EBF2: variants seen among roughly 807,000 people sequenced by gnomAD.
EBF2 encodes the protein EBF transcription factor 2, also known as transcription factor COE2.
In EBF2, 21 loss-of-function variants were observed where a neutral mutation model predicts 72.8. The ratio of observed to expected loss-of-function variants is 0.29; its 90% CI spans 0.20 to 0.42. The LOEUF (loss-of-function observed/expected upper bound fraction) is 0.42. Ranked by LOEUF, EBF2 falls within the 10% of genes least tolerant of loss-of-function variation. The probability of loss-of-function intolerance (pLI) is 1.00; values close to 1 mark genes in which losing one functional copy is unlikely to be tolerated. For missense variants in EBF2, 637 were observed against 731.2 expected (o/e 0.87, Z 1.49); for synonymous variants, 299 against 274.2 (o/e 1.09, Z -0.89).
chr8:25,948,770 C>T (rs990177945), intron 6 of EBF2, among the ~76,000 whole-genome samples: 8 of 152,134 alleles, frequency 5.3e-5, no homozygotes, highest in African/African-American at 1.2e-4. Flanking sequence ...ACAGAACTCC[C>T]GGGTTTGGGA....
chr8:25,921,317 CT>C (rs1179872658), intron 6 of EBF2, among the ~76,000 whole-genome samples: 1 of 151,908 alleles, frequency 6.6e-6, no homozygotes. Context: ...TTTTAACTTT[CT>C]TTTTTTTTCC....
intron 6 of EBF2, among the ~76,000 whole-genome samples, chr8:25,939,122 A>G (rs779777546): frequency 1.3e-5 from 2 of 152,186 alleles, no homozygotes; most frequent in Non-Finnish European, 2.9e-5. Flanking sequence ...TCAGCAACCA[A>G]GGATGATATT....
At chr8:25,883,681 G>C (rs1041956693) in intron 10 of EBF2, among the ~76,000 whole-genome samples, 1 of 152,010 alleles carries the variant, frequency 6.6e-6, no homozygotes, top group Non-Finnish European at 1.5e-5. Flanking sequence ...TACATCAATT[G>C]CGCTACTGAT....
chr8:25,908,678 C>T, intron 6 of EBF2, 123 bp from the exon 7 acceptor site: 1 of 708,164 alleles, frequency 1.4e-6, no homozygotes, highest in Non-Finnish European at 2.4e-6. Context: ...TTTCAACCTG[C>T]CCTGCCTGTG....
chr8:25,989,232 G>A (rs1392846006), intron 6 of EBF2, among the ~76,000 whole-genome samples: 1 of 152,198 alleles, frequency 6.6e-6, no homozygotes, highest in Admixed American at 6.5e-5. Flanking sequence ...CTTCAGGAAT[G>A]AGTGGTGAAA....
At chr8:25,980,787 C>CAAAAAAAAA (rs34271943) in intron 6 of EBF2, among the ~76,000 whole-genome samples, 5 of 67,136 alleles carry the variant, frequency 7.4e-5, no homozygotes. Flanking sequence ...GAGGCCACCA[C>CAAAAAAAAA]AAAAAAAAAA....
intron 10 of EBF2, among the ~76,000 whole-genome samples, chr8:25,874,561 A>C (rs933097987): frequency 1.3e-5 from 2 of 152,132 alleles, no homozygotes; most frequent in African/African-American, 2.4e-5. Flanking sequence ...CTTGTCAAGC[A>C]CCTACTCTGC....
chr8:26,043,293 C>T (rs907116074), intron 1 of EBF2, among the ~76,000 whole-genome samples: 26 of 152,384 alleles, frequency 1.7e-4, no homozygotes, highest in African/African-American at 6.3e-4. Flanking sequence ...GGTTGAACCC[C>T]GGTGCGCAAG....
chr8:25,860,759 T>C (rs1456411394), intron 13 of EBF2, among the ~76,000 whole-genome samples: 1 of 152,074 alleles, frequency 6.6e-6, no homozygotes, highest in East Asian at 1.9e-4. Context: ...TCAAGCAATC[T>C]ACCTGCCTCA....
intron 7 of EBF2, among the ~76,000 whole-genome samples, chr8:25,901,083 T>C (rs1802943999): frequency 6.6e-6 from 1 of 152,086 alleles, no homozygotes; most frequent in South Asian, 2.1e-4. Flanking sequence ...CAACAAAATA[T>C]TGCATGTACC....
At chr8:25,912,442 AC>A (rs1337346228) in intron 6 of EBF2, among the ~76,000 whole-genome samples, 1 of 149,992 alleles carries the variant, frequency 6.7e-6, no homozygotes, top group African/African-American at 2.4e-5. Flanking sequence ...TATTAAAAAA[AC>A]ACTTCAAAAT....
At chr8:25,860,811 C>T (rs1263924490) in intron 13 of EBF2, among the ~76,000 whole-genome samples, 6 of 152,178 alleles carry the variant, frequency 3.9e-5, no homozygotes, top group Non-Finnish European at 8.8e-5. Context: ...GCCACCAAAC[C>T]TGGTAGTAAT....
Position 26,045,385 on chromosome 8 carries a change from G to C in EBF2, c.-526C>G, listed in dbSNP as rs984364323. ...ACGGAGCCCGGCTGCAGCCGCGCGC[G>C]GGCCCCATGAATGGGTTACTACGGC... On this transcript the variant is annotated 5_prime_UTR_variant, in exon 1 of 16. Coordinates refer to ENST00000520164, the MANE Select transcript of EBF2 (RefSeq NM_022659.4). 6.6e-6 allele frequency: 1 copy of C among 152,370 alleles called. No individual in the cohort carries two copies. The highest frequency in any genetic ancestry group is 2.4e-5 in the African/African-American group (1 of 41,446). The allele number at this position is 152,370 out of a possible 1,614,324, so 9.4% of individuals were successfully genotyped here.
At chr8:25,868,114 G>A (rs1186111685) in intron 10 of EBF2, among the ~76,000 whole-genome samples, 2 of 151,988 alleles carry the variant, frequency 1.3e-5, no homozygotes, top group African/African-American at 4.8e-5. Context: ...TCACAATTTT[G>A]TTGTAATTTT....
chr8:25,981,537 G>T (rs1481991855), intron 6 of EBF2, among the ~76,000 whole-genome samples: 1 of 152,104 alleles, frequency 6.6e-6, no homozygotes, highest in African/African-American at 2.4e-5. Flanking sequence ...CGATGTGGTG[G>T]CTCACGCCTA....
intron 5 of EBF2, among the ~76,000 whole-genome samples, chr8:26,035,913 G>A (rs1323313959): frequency 7.1e-6 from 1 of 141,138 alleles, no homozygotes; most frequent in South Asian, 2.2e-4. Flanking sequence ...CACCTTTCCT[G>A]TTTCTAGAAT....
chr8:25,957,547 TA>T (rs1803970418), intron 6 of EBF2, among the ~76,000 whole-genome samples: 1 of 152,100 alleles, frequency 6.6e-6, no homozygotes, highest in African/African-American at 2.4e-5. Context: ...GTTATTTAAC[TA>T]CATCCAAGGC....
chr8:25,887,101 CTGTG>C (rs761631326), intron 9 of EBF2, among the ~76,000 whole-genome samples: 5 of 144,480 alleles, frequency 3.5e-5, no homozygotes, highest in Admixed American at 1.5e-4. Flanking sequence ...GTCCCTCTCT[CTGTG>C]TGTATGTCTC....
rs201303928 is a variant in EBF2, at chr8:25,889,738, G to C, written c.751+14C>G. 2.5e-6 allele frequency: 4 copies of C among 1,595,168 alleles called. No homozygotes were observed. The Admixed American group carries it at 6.7e-5, about 27-fold the overall frequency. On this transcript the variant is annotated intron_variant, in intron 8 of 15. Coordinates refer to ENST00000520164, the MANE Select transcript of EBF2 (RefSeq NM_022659.4). Reference sequence around the variant, plus strand: ...ATTTCATGTGTCTGCTATGCTGAGCGCAGGCAGCCCTACCTTCCGATGGAT... The same window carrying C: ...ATTTCATGTGTCTGCTATGCTGAGCCCAGGCAGCCCTACCTTCCGATGGAT...
Sources: allele counts gnomAD v4.1 joint callset (sites outside exome capture counted in the v4.1 genomes callset), GRCh38; gene constraint gnomAD v4.1.1; transcripts MANE v1.5; gene names NCBI Gene and HGNC (gene_info 2026-07-23, HGNC 2026-07-21).